The following SLC24A3 variants were observed in gnomAD, a reference collection of about 807,000 sequenced individuals.
SLC24A3 encodes the protein solute carrier family 24 member 3, also known as sodium/potassium/calcium exchanger 3.
A neutral mutation model predicts 75.8 loss-of-function variants in SLC24A3; 28 were observed. The ratio of observed to expected loss-of-function variants is 0.37; its 90% confidence interval spans 0.27 to 0.51. The LOEUF is 0.51. Among genes scored for constraint, SLC24A3 ranks in the 20% least tolerant of loss-of-function variants. The probability of loss-of-function intolerance (pLI) is 0.94; values close to 1 mark genes in which losing one functional copy is unlikely to be tolerated. For missense variants in SLC24A3, 663 were observed against 847.8 expected, an observed-to-expected ratio of 0.78 and a Z score of 2.71; for synonymous variants, 372 against 334.1, an observed-to-expected ratio of 1.11 and a Z score of -1.24.
chr20:19,367,311 C>A (rs1355361600), intron 2 of SLC24A3, among the ~76,000 whole-genome samples: 1 of 152,158 alleles, frequency 6.6e-6, no homozygotes, highest in African/African-American at 2.4e-5. Context: ...AGAGGAGTTC[C>A]TTACCAGTTT....
chr20:19,465,425 C>A (rs1040836755), intron 2 of SLC24A3, among the ~76,000 whole-genome samples: 1 of 147,340 alleles, frequency 6.8e-6, no homozygotes, highest in Non-Finnish European at 1.5e-5. Flanking sequence ...ACTCAAGAGA[C>A]TTTTTACTAA....
rs574860227 is a variant in SLC24A3 at position 19,588,957 on chromosome 20, T to TA, written c.612+3417dup. 1.8e-4 allele frequency among the ~76,000 whole-genome samples: 28 copies of TA among 152,310 alleles called. No individual in the cohort carries two copies. The South Asian group carries it at 5.8e-3, about 32-fold the overall frequency. On this transcript the variant is annotated intron_variant, in intron 6 of 16. Transcript: ENST00000328041. ...CCAACATCAGCCCTACTGGCATGCT[T>TA]AAAATGTGCCTGATGTTCTTTGGCA...
intron 1 of SLC24A3, among the ~76,000 whole-genome samples, chr20:19,258,182 A>C (rs951235743): frequency 2.0e-5 from 3 of 152,202 alleles, no homozygotes; most frequent in African/African-American, 7.2e-5. Flanking sequence ...GGGGAGGCCC[A>C]GCTGCAAGCT....
At position 19,299,318 on chromosome 20, in the gene SLC24A3, A is replaced by G. The variant is rs570781308; in HGVS notation, c.271+18231A>G. Among the ~76,000 whole-genome samples, 19 of 152,162 alleles carry G rather than the reference A, an allele frequency of 1.2e-4. No homozygotes were observed. In the South Asian group the frequency reaches 3.9e-3, roughly 32 times the overall value. On this transcript the variant is annotated intron_variant, in intron 2 of 16. Coordinates refer to ENST00000328041, the MANE Select transcript of SLC24A3 (RefSeq NM_020689.4). ...TACAAGTGCTGACTGCTGGCAAGCC[A>G]TCCTGCCACAGCAGTGGGCTCAGCT...
intron 2 of SLC24A3, among the ~76,000 whole-genome samples, chr20:19,329,278 G>T (rs1984940821): frequency 6.6e-6 from 1 of 151,958 alleles, no homozygotes. Flanking sequence ...AATAAAAAAA[G>T]AAAAAAGCTT....
At chr20:19,624,010 T>C (rs74909670) in intron 6 of SLC24A3, among the ~76,000 whole-genome samples, 3,575 of 152,266 alleles carry the variant, frequency 0.023, 149 homozygotes, top group African/African-American at 0.082. Context: ...CTCCTTCTCT[T>C]ATCACAAGCC....
At chr20:19,347,247 G>A (rs1006566162) in intron 2 of SLC24A3, among the ~76,000 whole-genome samples, 2 of 152,160 alleles carry the variant, frequency 1.3e-5, no homozygotes. Context: ...TAGGTGGAGT[G>A]TAGAGGGTTT....
intron 6 of SLC24A3, among the ~76,000 whole-genome samples, chr20:19,604,929 C>T (rs1482279595): frequency 6.6e-6 from 1 of 152,202 alleles, no homozygotes; most frequent in Non-Finnish European, 1.5e-5. Context: ...CCTTTTTCCA[C>T]AGGCTGTCAG....
chr20:19,238,361 C>A (rs1982229439), intron 1 of SLC24A3, among the ~76,000 whole-genome samples: 1 of 152,186 alleles, frequency 6.6e-6, no homozygotes, highest in African/African-American at 2.4e-5. Flanking sequence ...ATTGTGAGAA[C>A]TGATGGACAT....
chr20:19,264,158 C>CAA (rs11477124), intron 1 of SLC24A3: 13 of 105,808 alleles, frequency 1.2e-4, no homozygotes, highest in Admixed American at 1.8e-4. Context: ...AAGACCCTGT[C>CAA]AAAAAAAAAA....
chr20:19,249,297 C>T (rs6035265), intron 1 of SLC24A3, among the ~76,000 whole-genome samples: 14,045 of 152,208 alleles, frequency 0.092, 1,121 homozygotes, highest in African/African-American at 0.22. Context: ...TGGCAAGCTT[C>T]CGTACTCCTA....
chr20:19,479,691 A>G (rs879394885), intron 2 of SLC24A3, among the ~76,000 whole-genome samples: 6 of 152,198 alleles, frequency 3.9e-5, no homozygotes, highest in Non-Finnish European at 8.8e-5. Context: ...ACAGTAGGGG[A>G]GGGGAAGGCT....
At chr20:19,478,029 C>T (rs1436335452) in intron 2 of SLC24A3, among the ~76,000 whole-genome samples, 4 of 152,184 alleles carry the variant, frequency 2.6e-5, no homozygotes, top group Non-Finnish European at 4.4e-5. Context: ...ATCCCATCCT[C>T]GCTGCTAGCA....
At chr20:19,333,973 G>A (rs7266249) in intron 2 of SLC24A3, among the ~76,000 whole-genome samples, 20,648 of 151,616 alleles carry the variant, frequency 0.14, 3,307 homozygotes, top group African/African-American at 0.36. Flanking sequence ...TACTAAAAAA[G>A]GGTGGAATTG....
At chr20:19,267,794 T>C (rs1983211125) in intron 1 of SLC24A3, among the ~76,000 whole-genome samples, 1 of 152,292 alleles carries the variant, frequency 6.6e-6, no homozygotes, top group Non-Finnish European at 1.5e-5. Context: ...AAAAGTCACC[T>C]TGAGGGATGT....
intron 2 of SLC24A3, among the ~76,000 whole-genome samples, chr20:19,293,745 G>A (rs958562722): frequency 6.6e-6 from 1 of 151,720 alleles, no homozygotes; most frequent in Non-Finnish European, 1.5e-5. Context: ...GTTCTCAGGA[G>A]GACAGAATTC....
intron 2 of SLC24A3, among the ~76,000 whole-genome samples, chr20:19,437,121 G>A (rs1018660598): frequency 6.6e-6 from 1 of 152,318 alleles, no homozygotes; most frequent in African/African-American, 2.4e-5. Context: ...TGTCAATGTA[G>A]GGGGGAGAGA....
intron 1 of SLC24A3, among the ~76,000 whole-genome samples, chr20:19,272,237 G>A (rs1037541179): frequency 6.6e-6 from 1 of 152,236 alleles, no homozygotes; most frequent in African/African-American, 2.4e-5. Flanking sequence ...TTGCCCCTCA[G>A]GGTCTGGGAG....
intron 13 of SLC24A3, chr20:19,695,055 C>G (rs2032788538): frequency 6.6e-6 from 1 of 152,246 alleles, no homozygotes; most frequent in Non-Finnish European, 1.5e-5. Flanking sequence ...AGTCAGAAAG[C>G]CCTGTGGCCA....
Sources: gnomAD v4.1 joint callset for allele counts (sites outside exome capture counted in the v4.1 genomes callset) on GRCh38, gnomAD v4.1.1 for gene constraint, MANE v1.5 for transcripts, NCBI Gene and HGNC (gene_info 2026-07-23, HGNC 2026-07-21) for gene names.